The following ERBB4 variants were observed in gnomAD, a reference collection of about 807,000 sequenced individuals.
ERBB4 encodes the protein erb-b2 receptor tyrosine kinase 4, also known as receptor tyrosine-protein kinase erbB-4.
A neutral mutation model predicts 158.0 loss-of-function variants in ERBB4; 42 were observed. The ratio of observed to expected loss-of-function variants is 0.27; its 90% CI spans 0.21 to 0.34. The LOEUF (loss-of-function observed/expected upper bound fraction) is 0.34, where lower values mean the gene tolerates loss of function less well. Among genes scored for constraint, ERBB4 ranks in the 10% least tolerant of loss-of-function variants. ERBB4 has a pLI of 1.00. For synonymous variants in ERBB4, 583 were observed against 558.7 expected (o/e 1.04, Z -0.61); for missense variants, 1,333 against 1,624.1 (o/e 0.82, Z 3.08).
chr2:212,004,962 G>A (rs909608457), intron 2 of ERBB4, among the ~76,000 whole-genome samples: 6 of 151,970 alleles, frequency 3.9e-5, no homozygotes, highest in Admixed American at 2.6e-4. Context: ...TTTCTCATAG[G>A]TCCTTACTTA....
intron 3 of ERBB4, 40 bp from the exon 4 acceptor site, chr2:211,788,199 G>T (rs761470253): frequency 6.6e-7 from 1 of 1,507,668 alleles, no homozygotes; most frequent in Non-Finnish European, 9.2e-7. Context: ...TTGTCAAACT[G>T]CTTGTTGATG....
chr2:211,678,524 A>G (rs2072193835), intron 13 of ERBB4, among the ~76,000 whole-genome samples: 1 of 152,224 alleles, frequency 6.6e-6, no homozygotes, highest in African/African-American at 2.4e-5. Flanking sequence ...TTAAAAATGC[A>G]TACAATAGTA....
chr2:211,716,788 T>C (rs1016384950), intron 7 of ERBB4, among the ~76,000 whole-genome samples: 14 of 152,310 alleles, frequency 9.2e-5, no homozygotes, highest in Middle Eastern at 3.4e-3. Context: ...AACCAAGCCA[T>C]GTAAGCCAGG....
At chr2:212,032,412 C>A (rs565140687) in intron 2 of ERBB4, among the ~76,000 whole-genome samples, 40 of 152,024 alleles carry the variant, frequency 2.6e-4, no homozygotes, top group Admixed American at 7.9e-4. Context: ...TTATAGAAAG[C>A]AATATGAAAA....
At chr2:211,910,894 T>A (rs1368072725) in intron 3 of ERBB4, among the ~76,000 whole-genome samples, 1 of 152,142 alleles carries the variant, frequency 6.6e-6, no homozygotes, top group African/African-American at 2.4e-5. Context: ...TAAAGTAAAC[T>A]CCTTTATTCA....
In ERBB4 at chr2:211,570,543, G is replaced by C. The variant is rs989905250; in HGVS notation, c.2302-8455C>G. On this transcript the variant is annotated intron_variant, in intron 19 of 27. Coordinates refer to ENST00000342788, the MANE Select transcript of ERBB4 (RefSeq NM_005235.3). ...TATCTCTGGGCAGGGAAAAAAAAAA[G>C]CTTTCTACCTTTCTTAATATCTACT... 6.3e-4 allele frequency among the ~76,000 whole-genome samples: 90 copies of C among 142,126 alleles called. 2 individuals are homozygous for C. The highest frequency in any genetic ancestry group is 1.2e-4 in the Non-Finnish European group (8 of 64,196). The allele number at this position is 142,126 out of a possible 152,430, so 93.2% of individuals were successfully genotyped here. A position where few individuals can be genotyped will look rare whatever the true frequency, so the allele number is the denominator to read the frequency against.
At chr2:211,538,729 T>C (rs2066720515) in intron 20 of ERBB4, among the ~76,000 whole-genome samples, 1 of 151,848 alleles carries the variant, frequency 6.6e-6, no homozygotes, top group South Asian at 2.1e-4. Context: ...AAGGCACTCA[T>C]AAAAAGATTC....
intron 2 of ERBB4, among the ~76,000 whole-genome samples, chr2:212,061,442 G>A (rs1276708204): frequency 9.9e-6 from 1 of 101,220 alleles, no homozygotes; most frequent in African/African-American, 4.0e-5. Flanking sequence ...GACAGAGTGA[G>A]ACTCTGTCTC....
At chr2:211,971,220 T>C (rs1391800658) in intron 2 of ERBB4, among the ~76,000 whole-genome samples, 1 of 152,192 alleles carries the variant, frequency 6.6e-6, no homozygotes, top group African/African-American at 2.4e-5. Context: ...TCTTCTGGCA[T>C]AGAGAATTCC....
chr2:212,373,944 T>TATATATATCCATATATATCCATAA (rs2090205803), intron 1 of ERBB4, among the ~76,000 whole-genome samples: 10 of 80,116 alleles, frequency 1.2e-4, no homozygotes, highest in Non-Finnish European at 1.7e-4. Flanking sequence ...TATATCCATA[T>TATATATATCCATATATATCCATAA]ATATATCATA....
intron 1 of ERBB4, among the ~76,000 whole-genome samples, chr2:212,340,623 G>T (rs2088663225): frequency 6.6e-6 from 1 of 152,128 alleles, no homozygotes; most frequent in Admixed American, 6.6e-5. Flanking sequence ...TAATACTACT[G>T]CTGATCTGAC....
At position 211,900,268 on chromosome 2, in the gene ERBB4, G is replaced by GT. The variant is rs534565966; in HGVS notation, c.421+47161dup. 2.9e-3 allele frequency among the ~76,000 whole-genome samples: 435 copies of GT among 152,126 alleles called. 3 individuals are homozygous for GT. The highest frequency in any genetic ancestry group is 6.8e-3 in the Middle Eastern group (2 of 294). ...CTCATACTAACAGGGACTTCTGAGC[G>GT]TATCAACACAGAGAAAGCAGTTGTT... On this transcript the variant is annotated intron_variant, in intron 3 of 27. Coordinates refer to ENST00000342788, the MANE Select transcript of ERBB4 (RefSeq NM_005235.3).
intron 3 of ERBB4, among the ~76,000 whole-genome samples, chr2:211,866,739 T>C (rs959714708): frequency 6.6e-6 from 1 of 152,208 alleles, no homozygotes; most frequent in African/African-American, 2.4e-5. Flanking sequence ...TGTCTTCCTA[T>C]AAAAATCCTC....
chr2:211,762,895 C>G (rs1347732864), intron 4 of ERBB4, among the ~76,000 whole-genome samples: 1 of 152,198 alleles, frequency 6.6e-6, no homozygotes, highest in Non-Finnish European at 1.5e-5. Flanking sequence ...TCCTTCTACT[C>G]CCACCATCAT....
intron 1 of ERBB4, among the ~76,000 whole-genome samples, chr2:212,154,397 TG>T (rs2080970301): frequency 6.6e-6 from 1 of 151,688 alleles, no homozygotes; most frequent in African/African-American, 2.4e-5. Context: ...ACACACACAC[TG>T]GGGAGGTGTC....
intron 1 of ERBB4, among the ~76,000 whole-genome samples, chr2:212,316,165 C>A (rs1236268078): frequency 1.3e-5 from 2 of 151,392 alleles, no homozygotes; most frequent in Non-Finnish European, 3.0e-5. Flanking sequence ...GTATCTTTTA[C>A]TACTTTTCTC....
rs34614862 is a variant in ERBB4 at position 211,934,926 on chromosome 2, T to TAAAAAA, written c.421+12498_421+12503dup. 1.1e-3 allele frequency among the ~76,000 whole-genome samples: 98 copies of TAAAAAA among 86,648 alleles called. 4 individuals are homozygous for TAAAAAA. The highest frequency in any genetic ancestry group is 2.5e-3 in the African/African-American group (63 of 25,268). 56.8% of individuals were successfully genotyped at this position (86,648 alleles called of 152,430 possible). On this transcript the variant is annotated intron_variant, in intron 3 of 27. Coordinates refer to ENST00000342788, the MANE Select transcript of ERBB4 (RefSeq NM_005235.3). ...TACACTAAGCAAAGTCTCATTCAGC[T>TAAAAAA]AAAAAAAAAAAAAAACTGCCTTGAA...
chr2:212,165,022 A>G (rs1030182837), intron 1 of ERBB4, among the ~76,000 whole-genome samples: 2 of 151,606 alleles, frequency 1.3e-5, no homozygotes, highest in Non-Finnish European at 1.5e-5. Flanking sequence ...ATAAAAGACC[A>G]TTTTTTTAAT....
At chr2:211,794,321 T>A (rs2105872063) in intron 3 of ERBB4, among the ~76,000 whole-genome samples, 1 of 152,036 alleles carries the variant, frequency 6.6e-6, no homozygotes, top group South Asian at 2.1e-4. Flanking sequence ...GTAACACTGA[T>A]TACCCGAGCC....
Sources: allele counts gnomAD v4.1 joint callset (sites outside exome capture counted in the v4.1 genomes callset), GRCh38; gene constraint gnomAD v4.1.1; transcripts MANE v1.5; gene names NCBI Gene and HGNC (gene_info 2026-07-23, HGNC 2026-07-21).